Variants in LCORL observed in about 807,000 individuals in gnomAD.
The protein encoded by LCORL is ligand-dependent nuclear receptor corepressor-like protein.
Under a neutral mutation model 141.8 loss-of-function variants are expected in LCORL, and 41 were observed. The observed-to-expected ratio is 0.29, with a 90% confidence interval of 0.23 to 0.38. The LOEUF (loss-of-function observed/expected upper bound fraction) is 0.38, where lower values mean the gene tolerates loss of function less well. LCORL is among the 10% of genes least tolerant of loss of function. LCORL has a pLI of 1.00. For synonymous variants in LCORL, 618 were observed against 694.1 expected (o/e 0.89, Z 1.72); for missense variants, 1,759 against 2,035.0 (o/e 0.86, Z 2.61).
chr4:17,940,116 G>GTA (rs199994160), intron 4 of LCORL, among the ~76,000 whole-genome samples: 2,439 of 127,282 alleles, frequency 0.019, 73 homozygotes, highest in East Asian at 0.15. Flanking sequence ...ATATGTGTGT[G>GTA]TATATATATA....
chr4:18,010,436 A>G (rs1018893306), intron 1 of LCORL, among the ~76,000 whole-genome samples: 1 of 151,908 alleles, frequency 6.6e-6, no homozygotes, highest in East Asian at 1.9e-4. Flanking sequence ...ATGTATGTAT[A>G]TATGTATGTA....
chr4:17,968,819 G>A (rs969301948), intron 2 of LCORL, among the ~76,000 whole-genome samples: 2 of 152,120 alleles, frequency 1.3e-5, no homozygotes, highest in East Asian at 3.9e-4. Context: ...ATTAAAAAAT[G>A]TAAGAACCAT....
intron 7 of LCORL, among the ~76,000 whole-genome samples, chr4:17,848,612 G>A (rs1004946838): frequency 1.4e-4 from 22 of 152,252 alleles, no homozygotes; most frequent in African/African-American, 4.8e-4. Flanking sequence ...CGCAGAAGAC[G>A]AGTGATTTCT....
intron 5 of LCORL, among the ~76,000 whole-genome samples, chr4:17,904,172 T>C (rs571115897): frequency 2.6e-5 from 4 of 152,074 alleles, no homozygotes; most frequent in Admixed American, 6.5e-5. Context: ...TCTTATAATA[T>C]AGAATAAAAG....
chr4:17,940,613 AAAGAT>A (rs2109475270), intron 4 of LCORL, among the ~76,000 whole-genome samples: 1 of 151,690 alleles, frequency 6.6e-6, no homozygotes, highest in African/African-American at 2.4e-5. Context: ...AAAAATAATT[AAAGAT>A]ATGATATAAA....
At position 17,884,305 on chromosome 4, in the gene LCORL, A is replaced by G; in HGVS notation, c.776+1763T>C. 1 of 1,549,384 alleles carries G rather than the reference A, an allele frequency of 6.5e-7. No homozygotes were observed. Among genetic ancestry groups the G allele is most frequent in the East Asian group, 2.4e-5 (1 of 40,892 alleles). The stretch of plus-strand genomic sequence containing the variant: ...GCTGAGGAATTTTTAACTGTACAGT[A>G]GGATTTGAAGTTTCATATTGGAGGC... On this transcript the variant is annotated intron_variant, in intron 6 of 7. Transcript: ENST00000635767. This position sits in a 1 kb window ranked among gnomAD's most constrained non-coding sequence, Gnocchi z 4.4.
chr4:17,888,924 A>G (rs1222791956), intron 5 of LCORL, among the ~76,000 whole-genome samples: 2 of 152,134 alleles, frequency 1.3e-5, no homozygotes, highest in Non-Finnish European at 2.9e-5. Flanking sequence ...CATATAAAAC[A>G]CATTCCCCTA....
At chr4:18,007,195 C>T (rs1722961050) in intron 1 of LCORL, among the ~76,000 whole-genome samples, 1 of 152,152 alleles carries the variant, frequency 6.6e-6, no homozygotes, top group African/African-American at 2.4e-5. Flanking sequence ...GGTTTTTCTC[C>T]ACCTCTAGTG....
At chr4:17,874,053 G>A in exon 7 of LCORL, 2 of 1,234,036 alleles carry the variant, frequency 1.6e-6, no homozygotes, top group East Asian at 6.3e-5. Flanking sequence ...TGGGATGTCA[G>A]CATTTGTTTC....
At chr4:17,955,740 G>A (rs1712486039) in intron 4 of LCORL, among the ~76,000 whole-genome samples, 1 of 152,046 alleles carries the variant, frequency 6.6e-6, no homozygotes, top group Non-Finnish European at 1.5e-5. Context: ...TGTAGTAAAA[G>A]AGAACTGAAT....
At chr4:17,991,616 G>C (rs1028987061) in intron 1 of LCORL, among the ~76,000 whole-genome samples, 2 of 152,096 alleles carry the variant, frequency 1.3e-5, no homozygotes, top group African/African-American at 4.8e-5. Flanking sequence ...ATTGCTGAAT[G>C]AACAAACCCA....
intron 4 of LCORL, among the ~76,000 whole-genome samples, chr4:17,940,134 G>GTATATATGTATATATATGTATACA (rs541802251): frequency 7.1e-6 from 1 of 141,726 alleles, no homozygotes; most frequent in African/African-American, 2.7e-5. Flanking sequence ...ATATGTATAT[G>GTATATATGTATATATATGTATACA]TGTATATATA....
intron 2 of LCORL, among the ~76,000 whole-genome samples, chr4:17,969,038 G>C (rs1715457264): frequency 6.6e-6 from 1 of 152,128 alleles, no homozygotes; most frequent in Admixed American, 6.6e-5. Flanking sequence ...TACACAGTCA[G>C]GTATATAAAA....
exon 5 of LCORL, chr4:17,909,210 G>C: frequency 6.2e-7 from 1 of 1,613,284 alleles, no homozygotes; most frequent in Non-Finnish European, 8.5e-7. Context: ...TACTATACTT[G>C]GTCCAATTGA....
chr4:17,989,301 G>A (rs924402126), intron 1 of LCORL, among the ~76,000 whole-genome samples: 2 of 152,164 alleles, frequency 1.3e-5, no homozygotes, highest in Non-Finnish European at 2.9e-5. Flanking sequence ...TACTATACTT[G>A]TCATAGATTT....
exon 7 of LCORL, chr4:17,875,704 T>C (rs539757281): frequency 8.1e-7 from 1 of 1,231,412 alleles, no homozygotes; most frequent in African/African-American, 1.6e-5. Flanking sequence ...GGTCTTCCAA[T>C]TGGTCGCTTA....
intron 4 of LCORL, among the ~76,000 whole-genome samples, chr4:17,955,652 C>A (rs578050050): frequency 3.9e-5 from 6 of 151,966 alleles, no homozygotes; most frequent in Non-Finnish European, 8.8e-5. Context: ...GAGAGGAAAT[C>A]GACTAAATAA....
Position 17,967,246 on chromosome 4 carries a change from G to A in LCORL, c.221-4197C>T, listed in dbSNP as rs367739799. ...ATAAAAAAATTAGTGTTTGCCACAG[G>A]TTTGGGGAAGTGGAAGGTATGACTA... On this transcript the variant is annotated intron_variant, in intron 2 of 7. Coordinates refer to ENST00000635767, the Ensembl canonical transcript of LCORL. Among the ~76,000 whole-genome samples, 33 of 152,238 alleles carry A rather than the reference G, an allele frequency of 2.2e-4. 1 individual carries two copies. In the South Asian group the frequency reaches 3.7e-3, roughly 17 times the overall value.
At chr4:17,937,949 T>G (rs1027179221) in intron 4 of LCORL, among the ~76,000 whole-genome samples, 12 of 152,006 alleles carry the variant, frequency 7.9e-5, no homozygotes, top group African/African-American at 2.9e-4. Flanking sequence ...AGGTTACATA[T>G]TTACATGTGG....
Sources: allele counts gnomAD v4.1 joint callset (sites outside exome capture counted in the v4.1 genomes callset), GRCh38; gene constraint gnomAD v4.1.1; non-coding constraint Gnocchi (gnomAD v3.1); transcripts MANE v1.5; gene names NCBI Gene and HGNC (gene_info 2026-07-23, HGNC 2026-07-21).